The following ENOX1 variants were observed in gnomAD, a reference collection of about 807,000 sequenced individuals.
ENOX1 encodes ecto-NOX disulfide-thiol exchanger 1, also known as candidate growth-related and time keeping constitutive hydroquinone (NADH) oxidase.
In ENOX1, 42 loss-of-function variants were observed where a neutral mutation model predicts 82.5. The observed-to-expected ratio is 0.51, with a 90% confidence interval of 0.40 to 0.66. The LOEUF (loss-of-function observed/expected upper bound fraction) is 0.66, where lower values mean the gene tolerates loss of function less well. Among genes scored for constraint, ENOX1 ranks in the 30% least tolerant of loss-of-function variants. The probability of loss-of-function intolerance (pLI) is 0.00; values close to 1 mark genes in which losing one functional copy is unlikely to be tolerated. For missense variants in ENOX1, 608 were observed against 811.6 expected (o/e 0.75, Z 3.05); for synonymous variants, 271 against 282.2 (o/e 0.96, Z 0.40).
At chr13:43,465,652 A>G (rs1365303498) in intron 3 of ENOX1, among the ~76,000 whole-genome samples, 3 of 152,208 alleles carry the variant, frequency 2.0e-5, no homozygotes, top group Non-Finnish European at 4.4e-5. Context: ...CAAGAAGTAT[A>G]AATACATATT....
intron 15 of ENOX1, among the ~76,000 whole-genome samples, chr13:43,229,570 A>G (rs2042183865): frequency 1.3e-5 from 2 of 152,156 alleles, no homozygotes; most frequent in African/African-American, 4.8e-5. Context: ...GTGGCAGGAA[A>G]CCAAAAGAGT....
chr13:43,560,241 C>G (rs1034511805), intron 2 of ENOX1, among the ~76,000 whole-genome samples: 3 of 151,992 alleles, frequency 2.0e-5, no homozygotes, highest in African/African-American at 7.2e-5. Flanking sequence ...GCTATAATAC[C>G]TATATTCCTA....
intron 2 of ENOX1, among the ~76,000 whole-genome samples, chr13:43,531,841 G>T (rs1173649972): frequency 6.7e-6 from 1 of 149,136 alleles, no homozygotes; most frequent in Non-Finnish European, 1.5e-5. Flanking sequence ...ACCCAACACC[G>T]CATGTTCTCA....
intron 2 of ENOX1, among the ~76,000 whole-genome samples, chr13:43,571,942 G>A (rs2080203377): frequency 6.6e-6 from 1 of 152,058 alleles, no homozygotes; most frequent in African/African-American, 2.4e-5. Flanking sequence ...TAGGTAAAAG[G>A]AAGGGAGGAT....
intron 3 of ENOX1, among the ~76,000 whole-genome samples, chr13:43,430,579 T>C (rs547872992): frequency 6.6e-6 from 1 of 152,296 alleles, no homozygotes; most frequent in South Asian, 2.1e-4. Context: ...GACTCATACT[T>C]ATGTGACACA....
chr13:43,676,783 G>T (rs564573122), intron 1 of ENOX1, among the ~76,000 whole-genome samples: 1 of 152,150 alleles, frequency 6.6e-6, no homozygotes, highest in Admixed American at 6.5e-5. Context: ...TAGCTGGTCC[G>T]TTGCACCCTG....
intron 5 of ENOX1, among the ~76,000 whole-genome samples, chr13:43,402,688 G>A (rs759639229): frequency 2.0e-5 from 3 of 152,264 alleles, no homozygotes; most frequent in South Asian, 2.1e-4. Flanking sequence ...AGTCCCCTAC[G>A]CAATTAATCC....
intron 8 of ENOX1, among the ~76,000 whole-genome samples, chr13:43,348,089 T>C (rs1422991968): frequency 6.6e-6 from 1 of 152,210 alleles, no homozygotes; most frequent in Non-Finnish European, 1.5e-5. Context: ...CTGCATCTGC[T>C]CATGCTGTGC....
At chr13:43,576,389 T>C (rs540662482) in intron 2 of ENOX1, among the ~76,000 whole-genome samples, 39 of 152,214 alleles carry the variant, frequency 2.6e-4, no homozygotes, top group African/African-American at 9.2e-4. Context: ...CTTGTAGGAC[T>C]GTATACTTTT....
chr13:43,558,891 T>G (rs1333189116), intron 2 of ENOX1, among the ~76,000 whole-genome samples: 1 of 152,216 alleles, frequency 6.6e-6, no homozygotes, highest in African/African-American at 2.4e-5. Flanking sequence ...TTTCTGTCAC[T>G]GAATCCTCTA....
intron 1 of ENOX1, among the ~76,000 whole-genome samples, chr13:43,706,519 G>A (rs549740516): frequency 6.6e-6 from 1 of 152,012 alleles, no homozygotes; most frequent in Admixed American, 6.5e-5. Flanking sequence ...AGCAAATCAA[G>A]CCCAGTAATA....
At chr13:43,621,925 C>T (rs1172706100) in intron 2 of ENOX1, among the ~76,000 whole-genome samples, 2 of 152,172 alleles carry the variant, frequency 1.3e-5, no homozygotes, top group Non-Finnish European at 2.9e-5. Flanking sequence ...TAACCCCAGA[C>T]TTCTTGGATG....
chr13:43,466,564 T>C (rs535588689), intron 3 of ENOX1, among the ~76,000 whole-genome samples: 1 of 152,300 alleles, frequency 6.6e-6, no homozygotes, highest in Non-Finnish European at 1.5e-5. Flanking sequence ...AAAAATCCCA[T>C]TAAACCTACC....
chr13:43,670,914 A>C (rs2085236240), intron 1 of ENOX1, among the ~76,000 whole-genome samples: 1 of 152,126 alleles, frequency 6.6e-6, no homozygotes, highest in African/African-American at 2.4e-5. Flanking sequence ...AATATCACAC[A>C]ATAATGCATT....
At chr13:43,327,146 C>A (rs2048159918) in intron 9 of ENOX1, among the ~76,000 whole-genome samples, 1 of 152,164 alleles carries the variant, frequency 6.6e-6, no homozygotes, top group African/African-American at 2.4e-5. Context: ...AGCCCTCTGG[C>A]AGGGAACAGG....
In ENOX1 at chr13:43,623,323, T is replaced by C. The variant is rs80300491; in HGVS notation, c.-219+44156A>G. Among the ~76,000 whole-genome samples, 386 of 152,248 alleles carry C rather than the reference T, an allele frequency of 2.5e-3. 3 individuals are homozygous for C. Among genetic ancestry groups the C allele is most frequent in the African/African-American group, 9.1e-3 (376 of 41,546 alleles). On this transcript the variant is annotated intron_variant, in intron 2 of 16. Transcript: ENST00000690772. ...TACAAAGTTCAGCTAGAGATGTCCT[T>C]CTCCCTGTGTGGTTTTACCCCCTGC... is the stretch of plus-strand genomic sequence containing the variant.
chr13:43,690,391 T>C (rs910147080), intron 1 of ENOX1, among the ~76,000 whole-genome samples: 1 of 152,108 alleles, frequency 6.6e-6, no homozygotes, highest in African/African-American at 2.4e-5. Flanking sequence ...CAAGTGACTA[T>C]TTATAAGTCT....
intron 8 of ENOX1, among the ~76,000 whole-genome samples, chr13:43,354,573 A>G (rs112176089): frequency 1.4e-3 from 216 of 151,576 alleles, no homozygotes; most frequent in African/African-American, 4.8e-3. Context: ...CATCCAATCC[A>G]CTTTATACAC....
chr13:43,327,798 G>A (rs1422432529), intron 9 of ENOX1, among the ~76,000 whole-genome samples: 1 of 152,150 alleles, frequency 6.6e-6, no homozygotes, highest in African/African-American at 2.4e-5. Flanking sequence ...CAAAATAAAT[G>A]TATGATGGAG....
Sources: allele counts gnomAD v4.1 joint callset (sites outside exome capture counted in the v4.1 genomes callset), GRCh38; gene constraint gnomAD v4.1.1; transcripts MANE v1.5; gene names NCBI Gene and HGNC (gene_info 2026-07-23, HGNC 2026-07-21).